Variants in SORCS2 observed in about 807,000 individuals in gnomAD.
The protein encoded by SORCS2 is sortilin related VPS10 domain containing receptor 2.
In SORCS2, 100 loss-of-function variants were observed where a neutral mutation model predicts 141.6. The observed-to-expected ratio is 0.71, with a 90% confidence interval of 0.60 to 0.83. The LOEUF is 0.83. Among genes scored for constraint, SORCS2 ranks in the 40% least tolerant of loss-of-function variants. SORCS2 has a pLI of 0.00. For synonymous variants in SORCS2, 789 were observed against 676.9 expected, an observed-to-expected ratio of 1.17 and a Z score of -2.57; for missense variants, 1,646 against 1,560.2, an observed-to-expected ratio of 1.05 and a Z score of -0.93.
chr4:7,208,011 C>T (rs142166984), intron 1 of SORCS2, among the ~76,000 whole-genome samples: 41 of 152,150 alleles, frequency 2.7e-4, no homozygotes, highest in Admixed American at 4.6e-4. Context: ...AGTTTTCGGG[C>T]GCCTTCTCCC....
chr4:7,499,914 G>A (rs1731856929), intron 2 of SORCS2, among the ~76,000 whole-genome samples: 1 of 152,134 alleles, frequency 6.6e-6, no homozygotes, highest in South Asian at 2.1e-4. Flanking sequence ...TGCTGGGTGT[G>A]TCAGGTCCCA....
At chr4:7,673,140 C>G (rs533713364) in intron 8 of SORCS2, among the ~76,000 whole-genome samples, 4 of 152,114 alleles carry the variant, frequency 2.6e-5, no homozygotes, top group Non-Finnish European at 5.9e-5. Context: ...ATTTATAACT[C>G]TAATCAGCAA....
At chr4:7,656,554 A>T (rs999378958) in intron 5 of SORCS2, among the ~76,000 whole-genome samples, 4 of 152,172 alleles carry the variant, frequency 2.6e-5, no homozygotes, top group Non-Finnish European at 4.4e-5. Flanking sequence ...TCGGGCCCAC[A>T]TTCTAAGTCC....
intron 1 of SORCS2, among the ~76,000 whole-genome samples, chr4:7,237,809 T>A (rs578030991): frequency 6.6e-6 from 1 of 151,386 alleles, no homozygotes; most frequent in African/African-American, 2.4e-5. Context: ...AGGAGGGGAG[T>A]TTCGTTTTCT....
intron 3 of SORCS2, among the ~76,000 whole-genome samples, chr4:7,554,025 CAG>C (rs1206335362): frequency 6.6e-6 from 1 of 152,198 alleles, no homozygotes; most frequent in Non-Finnish European, 1.5e-5. Context: ...GCGAGAGACT[CAG>C]GGCCTATGAA....
chr4:7,644,928 G>T (rs1720975768), intron 4 of SORCS2, among the ~76,000 whole-genome samples: 1 of 152,190 alleles, frequency 6.6e-6, no homozygotes, highest in East Asian at 1.9e-4. Context: ...GCTGGTGTTT[G>T]TCTTTTATTA....
At chr4:7,582,344 G>A (rs999158963) in intron 3 of SORCS2, among the ~76,000 whole-genome samples, 3 of 152,204 alleles carry the variant, frequency 2.0e-5, no homozygotes, top group African/African-American at 7.2e-5. Flanking sequence ...AGCCCTTTGT[G>A]TGAAATGATT....
chr4:7,681,840 C>A (rs943965130), intron 9 of SORCS2, among the ~76,000 whole-genome samples: 1 of 152,340 alleles, frequency 6.6e-6, no homozygotes, highest in Middle Eastern at 3.4e-3. Flanking sequence ...GGCCTTTGGG[C>A]AGGTTGCACC....
At chr4:7,578,487 C>G (rs1165159547) in intron 3 of SORCS2, among the ~76,000 whole-genome samples, 1 of 152,190 alleles carries the variant, frequency 6.6e-6, no homozygotes, top group East Asian at 1.9e-4. Flanking sequence ...TGAATTACAA[C>G]CAAATTATCC....
intron 3 of SORCS2, among the ~76,000 whole-genome samples, chr4:7,575,441 T>C (rs1448309678): frequency 6.6e-6 from 1 of 152,238 alleles, no homozygotes; most frequent in Non-Finnish European, 1.5e-5. Context: ...TGCATCTATA[T>C]GTATAGATGC....
intron 3 of SORCS2, among the ~76,000 whole-genome samples, chr4:7,593,225 A>G (rs1717032942): frequency 6.6e-6 from 1 of 152,208 alleles, no homozygotes; most frequent in Admixed American, 6.5e-5. Flanking sequence ...TCTTATGGCC[A>G]GTGGAGCCTC....
intron 2 of SORCS2, among the ~76,000 whole-genome samples, chr4:7,526,399 G>A (rs13140933): frequency 0.09 from 13,675 of 152,296 alleles, 971 homozygotes; most frequent in African/African-American, 0.2. Flanking sequence ...ATCACTAAGC[G>A]AACGGAACCA....
chr4:7,225,210 C>T (rs1728925862), intron 1 of SORCS2, among the ~76,000 whole-genome samples: 1 of 152,114 alleles, frequency 6.6e-6, no homozygotes, highest in Admixed American at 6.6e-5. Context: ...TCTCAGGGAG[C>T]TTTTATTTAT....
At chr4:7,287,384 CTT>C (rs1231410288) in intron 1 of SORCS2, among the ~76,000 whole-genome samples, 4 of 152,238 alleles carry the variant, frequency 2.6e-5, no homozygotes, top group Non-Finnish European at 5.9e-5. Flanking sequence ...GTCTGGCAGT[CTT>C]TTCCAGAAAG....
intron 3 of SORCS2, among the ~76,000 whole-genome samples, chr4:7,618,673 T>A (rs1392967229): frequency 6.6e-6 from 1 of 152,010 alleles, no homozygotes; most frequent in Admixed American, 6.6e-5. Context: ...CCTAGGAGGC[T>A]TTTCTGCCTC....
chr4:7,452,426 G>A (rs1031483120), intron 2 of SORCS2, among the ~76,000 whole-genome samples: 1 of 152,218 alleles, frequency 6.6e-6, no homozygotes, highest in Non-Finnish European at 1.5e-5. Flanking sequence ...ACAGGCATGA[G>A]CCACTGTGCT....
intron 1 of SORCS2, among the ~76,000 whole-genome samples, chr4:7,386,573 C>T (rs1723345869): frequency 7.3e-6 from 1 of 137,626 alleles, no homozygotes; most frequent in African/African-American, 2.8e-5. Flanking sequence ...CATGCACACA[C>T]ATGCACACAC....
At chr4:7,466,218 G>C (rs1390293093) in intron 2 of SORCS2, among the ~76,000 whole-genome samples, 1 of 152,202 alleles carries the variant, frequency 6.6e-6, no homozygotes, top group East Asian at 1.9e-4. Context: ...GTGGGGGTGA[G>C]AGTACATCTG....
At chr4:7,297,648 A>G (rs16839958) in intron 1 of SORCS2, among the ~76,000 whole-genome samples, 6,775 of 152,322 alleles carry the variant, frequency 0.044, 500 homozygotes, top group African/African-American at 0.16. Flanking sequence ...TGAAGTTTCT[A>G]TAAAATGAGA....
Sources: gnomAD v4.1 joint callset for allele counts (sites outside exome capture counted in the v4.1 genomes callset) on GRCh38, gnomAD v4.1.1 for gene constraint, MANE v1.5 for transcripts, NCBI Gene and HGNC (gene_info 2026-07-23, HGNC 2026-07-21) for gene names.